Variants in SH2D6 observed in about 807,000 individuals in gnomAD.
SH2D6 encodes SH2 domain containing 6.
Under a neutral mutation model 30.2 loss-of-function variants are expected in SH2D6, and 31 were observed. That is an observed-to-expected ratio of 1.03 (90% confidence interval 0.77 to 1.38). SH2D6 has a LOEUF of 1.38. Ranked by LOEUF, SH2D6 falls within the 40% of genes most tolerant of loss-of-function variation. The probability of loss-of-function intolerance (pLI) is 0.00; values close to 1 mark genes in which losing one functional copy is unlikely to be tolerated. For missense variants in SH2D6, 240 were observed against 266.8 expected (o/e 0.90, Z 0.70); for synonymous variants, 93 against 104.6 (o/e 0.89, Z 0.68).
At chr2:85,420,942 C>T (rs1687727454) in intron 2 of SH2D6, 1 of 152,372 alleles carries the variant, frequency 6.6e-6, no homozygotes, top group Non-Finnish European at 1.5e-5. Flanking sequence ...GGCCAGCATC[C>T]ATTCTTCTCT....
At chr2:85,432,677 G>A (rs917711763) in intron 14 of SH2D6, among the ~76,000 whole-genome samples, 3 of 152,182 alleles carry the variant, frequency 2.0e-5, no homozygotes. Context: ...TGGGATTACA[G>A]GCGTGAGCCA....
At chr2:85,436,415 C>A in intron 22 of SH2D6, 51 bp from the exon 23 acceptor site, 1 of 1,406,044 alleles carries the variant, frequency 7.1e-7, no homozygotes, top group Non-Finnish European at 1.0e-6. Context: ...CAGGAAATTG[C>A]TCCCAGCATG....
rs1450930358 is a variant in SH2D6, at chr2:85,428,609, GAAAGCAGCCGTTTACAAGCC to G, written c.-180_-161del. The G allele has an allele frequency of 6.6e-6, 1 of 152,184 alleles. No homozygotes were observed. The highest frequency in any genetic ancestry group is 2.4e-5 in the African/African-American group (1 of 41,434). 9.4% of individuals were successfully genotyped at this position (152,184 alleles called of 1,614,324 possible). A position where few individuals can be genotyped will look rare whatever the true frequency, so the allele number is the denominator to read the frequency against. ...ACAAGAGGCCATGTGAGGACACAGA[GAAAGCAGCCGTTTACAAGCC>G]AAGAAGAGAGGCCGCATCACAAACC... On this transcript the variant is annotated 5_prime_UTR_variant, in exon 7 of 24. Transcript: ENST00000469800.
At chr2:85,425,123 C>T (rs192932853) in intron 5 of SH2D6, among the ~76,000 whole-genome samples, 185 bp from the exon 6 acceptor site, 1 of 152,178 alleles carries the variant, frequency 6.6e-6, no homozygotes, top group Non-Finnish European at 1.5e-5. Context: ...AACGCCGTAA[C>T]ACTAGTTCTA....
Position 85,434,327 on chromosome 2 carries a change from T to A in SH2D6, c.534-13T>A, listed in dbSNP as rs1185754688. The A allele has an allele frequency of 6.5e-7, 1 of 1,542,110 alleles. No homozygotes were observed. Among genetic ancestry groups the A allele is most frequent in the Admixed American group, 2.0e-5 (1 of 50,148 alleles). ...AAGACCCTGAGTTCTGTCCCCCGAT[T>A]TGCTTCCCACAGGCCTACCACAGCC... is the stretch of plus-strand genomic sequence containing the variant. On this transcript the variant is annotated splice_polypyrimidine_tract_variant and intron_variant, in intron 17 of 23. Transcript: ENST00000469800.
At chr2:85,433,300 G>C (rs1353939955) in intron 15 of SH2D6, among the ~76,000 whole-genome samples, 179 bp downstream of exon 15, 2 of 152,252 alleles carry the variant, frequency 1.3e-5, no homozygotes, top group Non-Finnish European at 2.9e-5. Flanking sequence ...GCTGTCCTGA[G>C]GGTGCCGCCC....
At chr2:85,435,007 C>A in intron 19 of SH2D6, 58 bp from the exon 20 acceptor site, 1 of 1,531,348 alleles carries the variant, frequency 6.5e-7, no homozygotes, top group South Asian at 1.2e-5. Flanking sequence ...TAGAAGCCAC[C>A]TTTGCCCACC....
At chr2:85,426,286 T>C (rs1444039001) in intron 6 of SH2D6, among the ~76,000 whole-genome samples, 3 of 152,194 alleles carry the variant, frequency 2.0e-5, no homozygotes, top group African/African-American at 4.8e-5. Flanking sequence ...ATTTCTTCCA[T>C]ATGTAGGTTT....
Position 85,419,103 on chromosome 2 carries a change from G to A in SH2D6, c.-718G>A, listed in dbSNP as rs1687654573. The A allele has an allele frequency of 6.6e-6, 1 of 152,468 alleles. No homozygotes were observed. The highest frequency in any genetic ancestry group is 1.5e-5 in the Non-Finnish European group (1 of 68,234). The allele number at this position is 152,468 out of a possible 1,614,324, so 9.4% of individuals were successfully genotyped here. ...ACTAGGTCTGTTAGGGTCCCTGTGT[G>A]GCCGGCAGGACTCGTGGTGAAGCCC... On this transcript the variant is annotated 5_prime_UTR_variant, in exon 2 of 24. Coordinates refer to ENST00000469800, the MANE Select transcript of SH2D6 (RefSeq NM_001394463.1).
In SH2D6 at chr2:85,430,357, T is replaced by G. The variant is rs1407574890; in HGVS notation, c.65-7T>G. ...AGGGAGGAGGTGAGGCCAGCTTGTC[T>G]GTCCAGACTCCCCAGGTTGGAGAGA... On this transcript the variant is annotated splice_region_variant and splice_polypyrimidine_tract_variant and intron_variant, in intron 10 of 23. Coordinates refer to ENST00000469800, the MANE Select transcript of SH2D6 (RefSeq NM_001394463.1). This position sits in a 1 kb window ranked among gnomAD's most constrained non-coding sequence, Gnocchi z 4.3. 3 of 152,672 alleles carry G rather than the reference T, an allele frequency of 2.0e-5. No individual in the cohort carries two copies. The highest frequency in any genetic ancestry group is 7.2e-5 in the African/African-American group (3 of 41,408). The allele number at this position is 152,672 out of a possible 1,614,324, so 9.5% of individuals were successfully genotyped here. A position where few individuals can be genotyped will look rare whatever the true frequency, so the allele number is the denominator to read the frequency against.
At position 85,436,478 on chromosome 2, in the gene SH2D6, G is replaced by C; in HGVS notation, c.904G>C (p.Val302Leu). 2 of 1,613,606 alleles carry C rather than the reference G, an allele frequency of 1.2e-6. No homozygotes were observed. Among genetic ancestry groups the C allele is most frequent in the Non-Finnish European group, 1.7e-6 (2 of 1,179,956 alleles). ...GRNREELFSS[V>L]AAMVQHFMWH... ...CCTCCCTGGCCAGCTCTTCTCCTCC[G>C]TGGCGGCCATGGTCCAGCACTTCAT... The change falls in exon 23 of 24, where the codon GTG (valine) becomes CTG (leucine). Residue 302 changes from valine to leucine, a missense_variant. Physicochemically the swap from Val to Leu is conservative, Grantham distance 32. Coordinates refer to ENST00000469800, the MANE Select transcript of SH2D6 (RefSeq NM_001394463.1).
rs942408943 is a variant in SH2D6 at position 85,435,790 on chromosome 2, A to G, written c.857A>G (p.Tyr286Cys). The G allele has an allele frequency of 6.2e-7, 1 of 1,603,686 alleles. No homozygotes were observed. The highest frequency in any genetic ancestry group is 1.7e-4 in the Middle Eastern group (1 of 5,992). ...CGGCGGCTGGATGGCGGACGCCACT[A>G]TGCCCTGGGCCGGGAGGGCAGGAAC... ...PIRRLDGGRH[Y>C]ALGREGRNRE... The change falls in exon 22 of 24, where the codon TAT becomes TGT. Residue 286 changes from tyrosine (Y) to cysteine (C), a missense_variant. Coordinates refer to ENST00000469800, the MANE Select transcript of SH2D6 (RefSeq NM_001394463.1).
At chr2:85,436,676 T>A in intron 23 of SH2D6, 82 bp downstream of exon 23, 1 of 1,011,958 alleles carries the variant, frequency 9.9e-7, no homozygotes, top group Non-Finnish European at 1.5e-6. Flanking sequence ...CCACCCCTCC[T>A]CACCCTAGCC....
chr2:85,433,375 G>A (rs1403278743), intron 15 of SH2D6, among the ~76,000 whole-genome samples, 196 bp from the exon 16 acceptor site: 1 of 152,206 alleles, frequency 6.6e-6, no homozygotes, highest in South Asian at 2.1e-4. Context: ...GAAGGTGCTC[G>A]TGGGATGCCC....
At chr2:85,423,542 C>T (rs1337367656) in intron 5 of SH2D6, among the ~76,000 whole-genome samples, 4 of 152,182 alleles carry the variant, frequency 2.6e-5, no homozygotes, top group African/African-American at 7.2e-5. Context: ...CAACAAACTA[C>T]ACACCAGACT....
At chr2:85,420,467 T>C (rs767214027) in intron 2 of SH2D6, among the ~76,000 whole-genome samples, 5 of 152,248 alleles carry the variant, frequency 3.3e-5, no homozygotes, top group Admixed American at 6.5e-5. Context: ...GAATGTGAGC[T>C]TCTGCATTCC....
chr2:85,420,984 G>A (rs576868358), intron 2 of SH2D6: 1 of 152,468 alleles, frequency 6.6e-6, no homozygotes, highest in African/African-American at 2.4e-5. Context: ...AAAAGGGAGG[G>A]AGGGTGATCT....
chr2:85,434,392 G>C (rs1174621957), intron 18 of SH2D6, 22 bp downstream of exon 18: 20 of 1,550,452 alleles, frequency 1.3e-5, no homozygotes, highest in Non-Finnish European at 1.7e-5. Flanking sequence ...ATGGTCAGGG[G>C]AGAAGAGAGG....
intron 3 of SH2D6, 36 bp downstream of exon 3, chr2:85,422,350 T>G (rs1687777614): frequency 2.0e-5 from 3 of 151,930 alleles, no homozygotes; most frequent in Non-Finnish European, 4.4e-5. Context: ...TTAAAAAAAT[T>G]AAAAAGAATG....
Sources: gnomAD v4.1 joint callset for allele counts (sites outside exome capture counted in the v4.1 genomes callset) on GRCh38, gnomAD v4.1.1 for gene constraint, Gnocchi (gnomAD v3.1) non-coding constraint, MANE v1.5 for transcripts, NCBI Gene and HGNC (gene_info 2026-07-23, HGNC 2026-07-21) for gene names.